EPHA3: variants seen among roughly 807,000 people sequenced by gnomAD.
EPHA3 encodes EPH receptor A3, also known as ephrin type-A receptor 3.
Under a neutral mutation model 107.1 loss-of-function variants are expected in EPHA3, and 42 were observed. The observed-to-expected ratio is 0.39, with a 90% CI of 0.31 to 0.51. The LOEUF is 0.51. EPHA3 is among the 20% of genes least tolerant of loss of function. The pLI, the probability that EPHA3 is intolerant of heterozygous loss-of-function variation, is 0.78. For missense variants in EPHA3, 1,183 were observed against 1,211.2 expected (o/e 0.98, Z 0.35); for synonymous variants, 461 against 424.8 (o/e 1.09, Z -1.05).
intron 5 of EPHA3, among the ~76,000 whole-genome samples, chr3:89,346,509 T>C (rs934553057): frequency 6.7e-6 from 1 of 148,648 alleles, no homozygotes; most frequent in African/African-American, 2.5e-5. Context: ...TTGTAGATTC[T>C]GGATATTAGC....
At chr3:89,356,763 T>G (rs1707966915) in intron 5 of EPHA3, among the ~76,000 whole-genome samples, 1 of 151,096 alleles carries the variant, frequency 6.6e-6, no homozygotes, top group African/African-American at 2.4e-5. Flanking sequence ...TTGAAAGTTA[T>G]ATATATTGGC....
At chr3:89,285,141 A>AAAAAAT (rs947290538) in intron 3 of EPHA3, among the ~76,000 whole-genome samples, 5 of 152,098 alleles carry the variant, frequency 3.3e-5, no homozygotes, top group African/African-American at 1.2e-4. Context: ...AAATACAATA[A>AAAAAAT]AAAAATAAAA....
chr3:89,313,193 CTT>C (rs1706807846), intron 3 of EPHA3, among the ~76,000 whole-genome samples: 1 of 151,894 alleles, frequency 6.6e-6, no homozygotes, highest in Non-Finnish European at 1.5e-5. Context: ...CTTCTTTAAT[CTT>C]TCCACTTTCA....
chr3:89,268,446 T>C (rs1272508476), intron 3 of EPHA3, among the ~76,000 whole-genome samples: 1 of 152,266 alleles, frequency 6.6e-6, no homozygotes, highest in African/African-American at 2.4e-5. Context: ...TCTCAGAAAT[T>C]TAAAGGGATA....
chr3:89,431,830 AGAC>A, intron 13 of EPHA3, among the ~76,000 whole-genome samples: 1 of 152,330 alleles, frequency 6.6e-6, no homozygotes, highest in African/African-American at 2.4e-5. Context: ...TGCCATCCAC[AGAC>A]AACATTTATA....
intron 5 of EPHA3, among the ~76,000 whole-genome samples, chr3:89,368,409 T>C (rs917076244): frequency 1.3e-4 from 20 of 150,396 alleles, no homozygotes; most frequent in Admixed American, 8.7e-4. Context: ...GGGAATTTGT[T>C]TGCATAATTA....
intron 3 of EPHA3, among the ~76,000 whole-genome samples, chr3:89,224,712 G>T (rs1704459601): frequency 6.6e-6 from 1 of 151,902 alleles, no homozygotes; most frequent in Admixed American, 6.6e-5. Flanking sequence ...AGCTGGGAGT[G>T]GTGTCATGCA....
intron 3 of EPHA3, among the ~76,000 whole-genome samples, chr3:89,235,858 T>C (rs1301971455): frequency 3.3e-5 from 5 of 151,818 alleles, no homozygotes; most frequent in Admixed American, 1.3e-4. Context: ...ACACATATAA[T>C]TGAAAATATA....
chr3:89,296,668 C>T (rs1706361145), intron 3 of EPHA3, among the ~76,000 whole-genome samples: 2 of 152,106 alleles, frequency 1.3e-5, no homozygotes, highest in Non-Finnish European at 2.9e-5. Context: ...TTAAAGTCAC[C>T]AGCTGTTGCA....
chr3:89,329,137 GA>G (rs1290293284), intron 3 of EPHA3, among the ~76,000 whole-genome samples: 5 of 152,062 alleles, frequency 3.3e-5, no homozygotes, highest in Admixed American at 6.5e-5. Flanking sequence ...AGGGTTAATG[GA>G]ATATGTAATT....
At chr3:89,272,987 C>T (rs1040967377) in intron 3 of EPHA3, among the ~76,000 whole-genome samples, 3 of 151,812 alleles carry the variant, frequency 2.0e-5, no homozygotes, top group African/African-American at 7.2e-5. Context: ...AATCTACTTA[C>T]ATTGGTTAAG....
intron 5 of EPHA3, among the ~76,000 whole-genome samples, chr3:89,364,049 T>C (rs2107461699): frequency 6.6e-6 from 1 of 151,024 alleles, no homozygotes; most frequent in East Asian, 1.9e-4. Context: ...AATATTTTCA[T>C]GTCAACATTA....
intron 13 of EPHA3, among the ~76,000 whole-genome samples, chr3:89,431,967 C>T (rs1213481422): frequency 5.3e-5 from 8 of 152,098 alleles, no homozygotes; most frequent in Non-Finnish European, 1.2e-4. Context: ...CTTACCAATA[C>T]ACTTCTTGAA....
In EPHA3 at chr3:89,387,590, T is replaced by A. The variant is rs13075844; in HGVS notation, c.1307-8247T>A. Among the ~76,000 whole-genome samples, 3 of 152,256 alleles carry A rather than the reference T, an allele frequency of 2.0e-5. No individual in the cohort carries two copies. The East Asian group carries it at 5.8e-4, about 29-fold the overall frequency. On this transcript the variant is annotated intron_variant, in intron 5 of 16. Transcript: ENST00000336596. ...CACACTGAAGCATTATATTTAGAAA[T>A]CTATGATTATCCCCTAGATTTTCAG...
chr3:89,375,495 C>T (rs1708385535), intron 5 of EPHA3, among the ~76,000 whole-genome samples: 2 of 151,514 alleles, frequency 1.3e-5, no homozygotes, highest in South Asian at 4.2e-4. Context: ...GAGTGGGAGC[C>T]CGTTTGGAAT....
chr3:89,371,608 C>T (rs777683278), intron 5 of EPHA3, among the ~76,000 whole-genome samples: 1 of 151,606 alleles, frequency 6.6e-6, no homozygotes, highest in Non-Finnish European at 1.5e-5. Flanking sequence ...CAGTAATACA[C>T]AACTGTACCG....
chr3:89,396,649 T>C (rs1708857116), intron 6 of EPHA3, among the ~76,000 whole-genome samples: 1 of 152,192 alleles, frequency 6.6e-6, no homozygotes, highest in Admixed American at 6.5e-5. Context: ...TGGTTGTAAA[T>C]GATAGTAAAG....
intron 10 of EPHA3, among the ~76,000 whole-genome samples, chr3:89,417,310 C>G (rs1163875934): frequency 2.6e-5 from 4 of 151,434 alleles, no homozygotes; most frequent in Admixed American, 1.3e-4. Flanking sequence ...AGGATCCATG[C>G]TCTTAACCAG....
chr3:89,174,358 A>C (rs1315904937), intron 2 of EPHA3, among the ~76,000 whole-genome samples: 1 of 152,000 alleles, frequency 6.6e-6, no homozygotes, highest in Admixed American at 6.5e-5. Context: ...GATCAAGGCA[A>C]AAATGTAAGT....
Sources: allele counts gnomAD v4.1 joint callset (sites outside exome capture counted in the v4.1 genomes callset), GRCh38; gene constraint gnomAD v4.1.1; transcripts MANE v1.5; gene names NCBI Gene and HGNC (gene_info 2026-07-23, HGNC 2026-07-21).